Variants in ADGRB3 observed in about 807,000 individuals in gnomAD.
The protein encoded by ADGRB3 is brain-specific angiogenesis inhibitor 3.
A neutral mutation model predicts 193.4 loss-of-function variants in ADGRB3; 37 were observed. The observed-to-expected ratio is 0.19, with a 90% CI of 0.15 to 0.25. The LOEUF (loss-of-function observed/expected upper bound fraction) is 0.25, where lower values mean the gene tolerates loss of function less well. Among genes scored for constraint, ADGRB3 ranks in the 10% least tolerant of loss-of-function variants. The pLI, the probability that ADGRB3 is intolerant of heterozygous loss-of-function variation, is 1.00. For missense variants in ADGRB3, 1,637 were observed against 1,852.9 expected (o/e 0.88, Z 2.14); for synonymous variants, 690 against 644.2 (o/e 1.07, Z -1.08).
At chr6:68,916,263 G>A (rs1562084854) in intron 3 of ADGRB3, among the ~76,000 whole-genome samples, 2 of 152,058 alleles carry the variant, frequency 1.3e-5, no homozygotes, top group Non-Finnish European at 2.9e-5. Context: ...TCTGTAGATG[G>A]GATAAACACT....
intron 3 of ADGRB3, among the ~76,000 whole-genome samples, chr6:68,703,716 G>A (rs547889896): frequency 2.4e-4 from 36 of 152,138 alleles, no homozygotes; most frequent in African/African-American, 8.4e-4. Context: ...TCCGCCTCCC[G>A]GATTCAAGCA....
intron 17 of ADGRB3, among the ~76,000 whole-genome samples, chr6:69,190,540 T>C (rs1389876155): frequency 6.6e-6 from 1 of 152,118 alleles, no homozygotes; most frequent in Non-Finnish European, 1.5e-5. Flanking sequence ...GTAAAAAAGT[T>C]ACAGTATGTG....
chr6:69,051,010 G>T (rs1167692805), intron 15 of ADGRB3, among the ~76,000 whole-genome samples: 1 of 152,014 alleles, frequency 6.6e-6, no homozygotes, highest in Non-Finnish European at 1.5e-5. Context: ...GTTATTCCAA[G>T]TTTTATAAAT....
At chr6:68,655,155 T>C (rs1768461922) in intron 3 of ADGRB3, among the ~76,000 whole-genome samples, 1 of 151,094 alleles carries the variant, frequency 6.6e-6, no homozygotes, top group African/African-American at 2.4e-5. Flanking sequence ...TTTAGGGAGA[T>C]AATTTTAATG....
intron 17 of ADGRB3, among the ~76,000 whole-genome samples, chr6:69,195,700 C>A (rs1270274516): frequency 2.6e-5 from 4 of 151,984 alleles, no homozygotes; most frequent in Non-Finnish European, 5.9e-5. Flanking sequence ...AACCAATACA[C>A]AAAGTTTTTT....
At chr6:69,149,688 T>C (rs2150340796) in intron 17 of ADGRB3, among the ~76,000 whole-genome samples, 1 of 152,184 alleles carries the variant, frequency 6.6e-6, no homozygotes, top group African/African-American at 2.4e-5. Context: ...TGTCCTTCTT[T>C]GGAGGGGTTT....
intron 3 of ADGRB3, among the ~76,000 whole-genome samples, chr6:68,715,693 T>G (rs1266214545): frequency 6.6e-6 from 1 of 151,832 alleles, no homozygotes. Context: ...ATTCCATTAG[T>G]TGCTTTACAT....
chr6:68,863,703 A>G (rs1256317327), intron 3 of ADGRB3, among the ~76,000 whole-genome samples: 1 of 152,148 alleles, frequency 6.6e-6, no homozygotes, highest in Non-Finnish European at 1.5e-5. Context: ...CTACTTAGAG[A>G]ATGGCTTTTA....
intron 4 of ADGRB3, among the ~76,000 whole-genome samples, chr6:68,931,219 T>G (rs549751204): frequency 6.6e-6 from 1 of 152,086 alleles, no homozygotes; most frequent in Non-Finnish European, 1.5e-5. Flanking sequence ...TGTAACACAC[T>G]CCATCTAATT....
rs1767521964 is a variant in ADGRB3, at chr6:69,285,199, TAG to T, written c.2815-39671_2815-39670del. On this transcript the variant is annotated intron_variant, in intron 20 of 31. Coordinates refer to ENST00000370598, the MANE Select transcript of ADGRB3 (RefSeq NM_001704.3). ...TAAAGAGAAATTCTGCAAAAGGAAA[TAG>T]ATACTATACACTGAGTACTTAAGAA... Among the ~76,000 whole-genome samples, 7 of 152,110 alleles carry T rather than the reference TAG, an allele frequency of 4.6e-5. No individual in the cohort carries two copies. In the South Asian group the frequency reaches 1.4e-3, roughly 31 times the overall value.
At chr6:68,754,136 CTAAA>C (rs960236443) in intron 3 of ADGRB3, among the ~76,000 whole-genome samples, 40 of 152,222 alleles carry the variant, frequency 2.6e-4, no homozygotes, top group African/African-American at 9.6e-4. Context: ...AAGTTGAAGA[CTAAA>C]TCTAAGGATA....
intron 3 of ADGRB3, among the ~76,000 whole-genome samples, chr6:68,721,394 C>G (rs903567234): frequency 6.7e-6 from 1 of 149,834 alleles, no homozygotes; most frequent in African/African-American, 2.5e-5. Context: ...CCAAACACTG[C>G]GTGTTCTCAC....
At chr6:69,300,709 A>G (rs1003494147) in intron 20 of ADGRB3, among the ~76,000 whole-genome samples, 1 of 151,846 alleles carries the variant, frequency 6.6e-6, no homozygotes, top group Non-Finnish European at 1.5e-5. Flanking sequence ...ATGTAATACA[A>G]TTTACAATAG....
chr6:69,060,832 C>G (rs952864222), intron 15 of ADGRB3, among the ~76,000 whole-genome samples: 3 of 152,024 alleles, frequency 2.0e-5, no homozygotes, highest in Non-Finnish European at 4.4e-5. Context: ...GATATTTCCC[C>G]TAACTCTAAG....
chr6:68,882,388 G>C (rs2150224868), intron 3 of ADGRB3, among the ~76,000 whole-genome samples: 1 of 152,284 alleles, frequency 6.6e-6, no homozygotes, highest in Non-Finnish European at 1.5e-5. Context: ...CTCATTTCCT[G>C]TTGGGAATTT....
intron 3 of ADGRB3, among the ~76,000 whole-genome samples, chr6:68,878,035 T>C (rs1416097896): frequency 6.6e-6 from 1 of 152,146 alleles, no homozygotes; most frequent in Admixed American, 6.5e-5. Flanking sequence ...CAGAGACTCA[T>C]GTCAGCTTTT....
intron 11 of ADGRB3, among the ~76,000 whole-genome samples, chr6:69,000,150 T>A (rs150969394): frequency 6.6e-6 from 1 of 152,314 alleles, no homozygotes; most frequent in Non-Finnish European, 1.5e-5. Flanking sequence ...TCTTCAGGCA[T>A]GTTACTTAAT....
chr6:69,164,596 A>G (rs1023024128), intron 17 of ADGRB3, among the ~76,000 whole-genome samples: 1 of 152,118 alleles, frequency 6.6e-6, no homozygotes, highest in South Asian at 2.1e-4. Context: ...GCACCAGCCT[A>G]GAAGCCCATG....
At chr6:68,651,539 G>C (rs948339857) in intron 3 of ADGRB3, among the ~76,000 whole-genome samples, 5 of 152,080 alleles carry the variant, frequency 3.3e-5, no homozygotes, top group Non-Finnish European at 7.3e-5. Flanking sequence ...TGTGTTCTGA[G>C]ACCACAGAAA....
Sources: gnomAD v4.1 joint callset for allele counts (sites outside exome capture counted in the v4.1 genomes callset) on GRCh38, gnomAD v4.1.1 for gene constraint, MANE v1.5 for transcripts, NCBI Gene and HGNC (gene_info 2026-07-23, HGNC 2026-07-21) for gene names.